Variants in EIF2B3 observed in about 807,000 individuals in gnomAD.
EIF2B3 encodes the protein eukaryotic translation initiation factor 2B subunit gamma, also known as translation initiation factor eIF2B subunit gamma.
EIF2B3 carries 20 observed loss-of-function variants against 54.1 expected under a neutral mutation model. The ratio of observed to expected loss-of-function variants is 0.37; its 90% CI spans 0.26 to 0.54. EIF2B3 has a LOEUF of 0.54. Ranked by LOEUF, EIF2B3 falls within the 20% of genes least tolerant of loss-of-function variation. The pLI is 0.86. For missense variants in EIF2B3, 448 were observed against 547.8 expected (o/e 0.82, Z 1.82); for synonymous variants, 153 against 188.1 (o/e 0.81, Z 1.52).
chr1:44,877,333 A>G lies in EIF2B3; in HGVS notation c.976-1638T>C, dbSNP rs533119962. Among the ~76,000 whole-genome samples the G allele has an allele frequency of 2.0e-5, 3 of 151,656 alleles. No individual in the cohort carries two copies. In the South Asian group the frequency reaches 6.3e-4, roughly 32 times the overall value. On this transcript the variant is annotated intron_variant, in intron 8 of 11. Coordinates refer to ENST00000360403, the MANE Select transcript of EIF2B3 (RefSeq NM_020365.5). ...CTGCTGCATTCCCCCTAGGACCAAG[A>G]TTATTTATGCAGCAGCTTCTAGATG...
chr1:44,927,999 A>G (rs1419527383), intron 4 of EIF2B3, among the ~76,000 whole-genome samples: 2 of 151,964 alleles, frequency 1.3e-5, no homozygotes, highest in Non-Finnish European at 2.9e-5. Context: ...TCATCTCTAC[A>G]AATAATAAAA....
intron 4 of EIF2B3, among the ~76,000 whole-genome samples, chr1:44,929,001 T>A (rs534515048): frequency 6.6e-6 from 1 of 152,348 alleles, no homozygotes; most frequent in Admixed American, 6.5e-5. Flanking sequence ...CTCAGTTTCA[T>A]CTATAAAATG....
At chr1:44,914,940 C>T (rs61789957) in intron 5 of EIF2B3, among the ~76,000 whole-genome samples, 9,812 of 152,124 alleles carry the variant, frequency 0.065, 404 homozygotes, top group Non-Finnish European at 0.097. Flanking sequence ...CCGCCCACTT[C>T]GGCCTCCCAA....
intron 3 of EIF2B3, among the ~76,000 whole-genome samples, chr1:44,962,536 A>T (rs1644296261): frequency 6.6e-6 from 1 of 152,082 alleles, no homozygotes; most frequent in South Asian, 2.1e-4. Context: ...TCAGCTTCCC[A>T]AGTAGCTGTG....
intron 3 of EIF2B3, among the ~76,000 whole-genome samples, chr1:44,948,964 G>A (rs1268604162): frequency 6.6e-6 from 1 of 152,070 alleles, no homozygotes; most frequent in East Asian, 1.9e-4. Context: ...GCCCCCCGAG[G>A]TTCAAGCAAT....
At chr1:44,912,421 T>TC (rs1363797137) in intron 5 of EIF2B3, among the ~76,000 whole-genome samples, 12 of 152,218 alleles carry the variant, frequency 7.9e-5, no homozygotes, top group Admixed American at 7.9e-4. Context: ...AATCCTATAT[T>TC]TGAATAATCA....
chr1:44,939,209 C>T (rs912804708), intron 4 of EIF2B3, among the ~76,000 whole-genome samples: 1 of 151,682 alleles, frequency 6.6e-6, no homozygotes, highest in Non-Finnish European at 1.5e-5. Context: ...ACAACTTCCT[C>T]ACTGTTTTGG....
chr1:44,943,153 G>A (rs1233122868), intron 3 of EIF2B3, among the ~76,000 whole-genome samples: 27 of 151,456 alleles, frequency 1.8e-4, no homozygotes, highest in South Asian at 4.2e-4. Flanking sequence ...CACCACGCCC[G>A]GCCTTATTTT....
chr1:44,931,212 G>A (rs2148935024), intron 4 of EIF2B3, among the ~76,000 whole-genome samples: 2 of 152,314 alleles, frequency 1.3e-5, no homozygotes, highest in South Asian at 4.1e-4. Context: ...AAGAAAGGAG[G>A]GTAGCTTCTG....
chr1:44,937,883 C>CAAAAAA lies in EIF2B3; in HGVS notation c.454+3617_454+3622dup, dbSNP rs34363661. 2.1e-4 allele frequency among the ~76,000 whole-genome samples: 7 copies of CAAAAAA among 33,558 alleles called. 3 individuals are homozygous for CAAAAAA. Among genetic ancestry groups the CAAAAAA allele is most frequent in the Non-Finnish European group, 2.7e-4 (5 of 18,780 alleles). The allele number at this position is 33,558 out of a possible 152,430, so 22.0% of individuals were successfully genotyped here. ...TGGGCGACAGAGCGAGACTCCGTCT[C>CAAAAAA]AAAAAAAAAAAAAAAAAAAAAAAAA... On this transcript the variant is annotated intron_variant, in intron 4 of 11. Coordinates refer to ENST00000360403, the MANE Select transcript of EIF2B3 (RefSeq NM_020365.5).
intron 3 of EIF2B3, chr1:44,958,445 C>T (rs1350278177): frequency 1.7e-6 from 1 of 604,102 alleles, no homozygotes; most frequent in Admixed American, 3.0e-5. Context: ...CGGAGTCTCA[C>T]TGTTCCAGTC....
rs1055881218 is a variant in EIF2B3, at chr1:44,891,255, A to G, written c.656+6100T>C. Among the ~76,000 whole-genome samples the G allele has an allele frequency of 6.6e-5, 10 of 151,858 alleles. 2 individuals carry two copies. The South Asian group carries it at 2.1e-3, about 32-fold the overall frequency. The stretch of plus-strand genomic sequence containing the variant: ...GCTGGGACTACAGGCATGTGCCACC[A>G]TGCTAATTTTTTTATTTTTAAATTT... On this transcript the variant is annotated intron_variant, in intron 6 of 11. Coordinates refer to ENST00000360403, the MANE Select transcript of EIF2B3 (RefSeq NM_020365.5).
intron 1 of EIF2B3, among the ~76,000 whole-genome samples, chr1:44,984,817 T>TTTTTTTTTTTTTGAAG (rs1644554078): frequency 7.4e-6 from 1 of 135,136 alleles, no homozygotes; most frequent in African/African-American, 2.8e-5. Flanking sequence ...TTTTTTTTTT[T>TTTTTTTTTTTTTGAAG]GAGACGGAGT....
At chr1:44,921,765 T>C (rs1326469132) in intron 5 of EIF2B3, among the ~76,000 whole-genome samples, 3 of 152,156 alleles carry the variant, frequency 2.0e-5, no homozygotes, top group East Asian at 1.9e-4. Flanking sequence ...TTTATGTCAG[T>C]ACCATGCTGT....
intron 10 of EIF2B3, among the ~76,000 whole-genome samples, chr1:44,861,355 CTT>C: frequency 6.6e-6 from 1 of 152,246 alleles, no homozygotes; most frequent in Admixed American, 6.5e-5. Flanking sequence ...ATGGAAAAGT[CTT>C]ATTTCTTTTT....
intron 5 of EIF2B3, among the ~76,000 whole-genome samples, chr1:44,906,783 C>G (rs1643420860): frequency 6.6e-6 from 1 of 152,180 alleles, no homozygotes; most frequent in Admixed American, 6.5e-5. Flanking sequence ...CTCCTAAGTA[C>G]CAGGTATGTA....
intron 6 of EIF2B3, among the ~76,000 whole-genome samples, chr1:44,882,214 T>C (rs796345180): frequency 1.3e-5 from 2 of 152,180 alleles, no homozygotes; most frequent in South Asian, 4.1e-4. Context: ...CAATGGACAG[T>C]AGCCTGTATG....
intron 5 of EIF2B3, among the ~76,000 whole-genome samples, chr1:44,921,703 T>C (rs1212799606): frequency 1.3e-5 from 2 of 152,112 alleles, no homozygotes; most frequent in Non-Finnish European, 2.9e-5. Flanking sequence ...ACTGAAGGTG[T>C]ATGGATTTAT....
At chr1:44,933,320 A>T (rs1643913103) in intron 4 of EIF2B3, among the ~76,000 whole-genome samples, 1 of 152,234 alleles carries the variant, frequency 6.6e-6, no homozygotes, top group Non-Finnish European at 1.5e-5. Context: ...AATATGAATA[A>T]CTATATTAGG....
Sources: allele counts gnomAD v4.1 joint callset (sites outside exome capture counted in the v4.1 genomes callset), GRCh38; gene constraint gnomAD v4.1.1; transcripts MANE v1.5; gene names NCBI Gene and HGNC (gene_info 2026-07-23, HGNC 2026-07-21).